Variants in FBXW10 observed in about 807,000 individuals in gnomAD.
The protein encoded by FBXW10 is F-box and WD repeat domain containing 10.
FBXW10 carries 68 observed loss-of-function variants against 113.1 expected under a neutral mutation model. The observed-to-expected ratio is 0.60, with a 90% CI of 0.49 to 0.74. FBXW10 has a LOEUF of 0.74. FBXW10 is among the 30% of genes least tolerant of loss of function. FBXW10 has a pLI of 0.00. For synonymous variants in FBXW10, 289 were observed against 481.6 expected (o/e 0.60, Z 5.24); for missense variants, 753 against 1,284.5 (o/e 0.59, Z 6.32).
chr17:18,755,474 G>A (rs1404370396), intron 5 of FBXW10, among the ~76,000 whole-genome samples: 2 of 151,872 alleles, frequency 1.3e-5, no homozygotes, highest in Admixed American at 1.3e-4. Context: ...AGAATCACTT[G>A]AACCCAGGAG....
At chr17:18,763,611 G>T (rs919129239) in intron 7 of FBXW10, among the ~76,000 whole-genome samples, 3 of 152,076 alleles carry the variant, frequency 2.0e-5, no homozygotes, top group African/African-American at 4.8e-5. Flanking sequence ...ATTCTGCTTT[G>T]TCCTGTCTCA....
At chr17:18,750,308 C>T (rs2035138690) in intron 4 of FBXW10, among the ~76,000 whole-genome samples, 171 bp downstream of exon 4, 1 of 152,112 alleles carries the variant, frequency 6.6e-6, no homozygotes, top group South Asian at 2.1e-4. Context: ...CTGTTAATAA[C>T]TGAGTACTCT....
At chr17:18,757,689 TCA>T (rs945289323) in intron 6 of FBXW10, among the ~76,000 whole-genome samples, 8 of 100,854 alleles carry the variant, frequency 7.9e-5, no homozygotes, top group Non-Finnish European at 1.6e-4. Flanking sequence ...TAAAAAACTC[TCA>T]GTTTGGACAA....
chr17:18,772,774 C>A, intron 12 of FBXW10, 91 bp downstream of exon 12: 3 of 1,157,108 alleles, frequency 2.6e-6, no homozygotes, highest in Non-Finnish European at 3.7e-6. Context: ...AGGACTGGTT[C>A]GTTTGTGGAA....
chr17:18,749,816 C>T lies in FBXW10; in HGVS notation c.765C>T (p.Cys255=), dbSNP rs780212893. 6.2e-7 allele frequency: 1 copy of T among 1,614,048 alleles called. No individual in the cohort carries two copies. Among genetic ancestry groups the T allele is most frequent in the African/African-American group, 1.3e-5 (1 of 74,930 alleles). The change falls in exon 3 of 14, where the codon TGC becomes TGT. Residue 255 remains cysteine (C), a synonymous_variant. Transcript: ENST00000395665. Reference sequence around the variant, plus strand: ...TAACCAAGCCAGGGTACGATCCCTGCAATCTATTGGTTGACCTGGATGACA... The same window carrying T: ...TAACCAAGCCAGGGTACGATCCCTGTAATCTATTGGTTGACCTGGATGACA... ...GDITKPGYDP[C]NLLVDLDDIR... is the part of the protein sequence containing the mutation.
intron 11 of FBXW10, 131 bp from the exon 12 acceptor site, chr17:18,772,281 C>T: frequency 1.2e-6 from 1 of 818,142 alleles, no homozygotes; most frequent in Non-Finnish European, 2.0e-6. Context: ...GCTGCCTACA[C>T]TACTAGTCTG....
chr17:18,761,132 T>C (rs112512764), intron 7 of FBXW10, among the ~76,000 whole-genome samples: 33 of 152,246 alleles, frequency 2.2e-4, no homozygotes, highest in African/African-American at 7.5e-4. Context: ...TGTCCCTGAG[T>C]TCTCTGATCT....
intron 13 of FBXW10, 47 bp downstream of exon 13, chr17:18,775,239 T>C: frequency 7.9e-7 from 1 of 1,265,694 alleles, no homozygotes; most frequent in African/African-American, 1.5e-5. Context: ...GTGGCACGGA[T>C]GGTGGGCAGG....
intron 7 of FBXW10, among the ~76,000 whole-genome samples, chr17:18,763,808 T>C (rs2151815339): frequency 6.6e-6 from 1 of 151,872 alleles, no homozygotes; most frequent in Non-Finnish European, 1.5e-5. Context: ...AGATCCACTG[T>C]ACCGTGGAAT....
intron 1 of FBXW10, among the ~76,000 whole-genome samples, chr17:18,745,721 C>T (rs1368659463): frequency 6.6e-6 from 1 of 152,118 alleles, no homozygotes; most frequent in Admixed American, 6.5e-5. Flanking sequence ...ACCAGGGATT[C>T]TGTATTTCTA....
intron 13 of FBXW10, among the ~76,000 whole-genome samples, chr17:18,777,405 G>T (rs191053027): frequency 4.1e-4 from 63 of 151,934 alleles, no homozygotes; most frequent in African/African-American, 1.5e-3. Context: ...AGATTACTTG[G>T]AGTCAAATTT....
rs531593970 is a variant in FBXW10, at chr17:18,764,374, G to A, written c.1434-368G>A. 8.6e-5 allele frequency among the ~76,000 whole-genome samples: 13 copies of A among 151,926 alleles called. No individual in the cohort carries two copies. The East Asian group carries it at 2.5e-3, about 29-fold the overall frequency. On this transcript the variant is annotated intron_variant, in intron 7 of 13. Transcript: ENST00000395665. ...ACACCACCACGCCCAGCTAACTTTT[G>A]TATTTTTAGTAGAGACAGGGTTTCA...
Position 18,755,244 on chromosome 17 carries a change from GAA to G in FBXW10, c.1123-800_1123-799del, listed in dbSNP as rs370546800. 1.8e-3 allele frequency among the ~76,000 whole-genome samples: 266 copies of G among 148,024 alleles called. 2 individuals carry two copies. The highest frequency in any genetic ancestry group is 6.6e-3 in the African/African-American group (263 of 39,944). The stretch of plus-strand genomic sequence containing the variant: ...TGACATTGCACTCCAGCCTGGGTGA[GAA>G]GAGTGAAACTCCGTCTTAAAAAAAT... On this transcript the variant is annotated intron_variant, in intron 5 of 13. Coordinates refer to ENST00000395665, the MANE Select transcript of FBXW10 (RefSeq NM_001267585.2).
At chr17:18,759,044 C>T (rs1032118971) in intron 7 of FBXW10, among the ~76,000 whole-genome samples, 29 of 152,022 alleles carry the variant, frequency 1.9e-4, no homozygotes, top group Non-Finnish European at 4.0e-4. Flanking sequence ...GTGGCGGGTG[C>T]CTGTAGTCCC....
Position 18,769,967 on chromosome 17 carries a change from A to G in FBXW10, c.1888A>G (p.Ser630Gly). The change falls in exon 11 of 14, where the codon AGC (serine) becomes GGC (glycine). Residue 630 changes from serine to glycine, a missense_variant. Ser to Gly is a moderately conservative substitution (Grantham distance 56). Coordinates refer to ENST00000395665, the MANE Select transcript of FBXW10 (RefSeq NM_001267585.2). ...GTCCCTTCTCTTCCTCCGGGTCATCAGCGCCTGTGCAGATGGCAAGATCCG... is the reference window on the plus strand; with the variant it reads ...GTCCCTTCTCTTCCTCCGGGTCATCGGCGCCTGTGCAGATGGCAAGATCCG... ...DVSLLFLRVI[S>G]ACADGKIRIY... 2 of 1,614,120 alleles carry G rather than the reference A, an allele frequency of 1.2e-6. No individual in the cohort carries two copies. The highest frequency in any genetic ancestry group is 8.5e-7 in the Non-Finnish European group (1 of 1,180,024).
chr17:18,745,788 C>T (rs1355963193), intron 1 of FBXW10, among the ~76,000 whole-genome samples: 2 of 152,204 alleles, frequency 1.3e-5, no homozygotes, highest in African/African-American at 4.8e-5. Context: ...TTGAGAATCA[C>T]AGGCCTAGGG....
At chr17:18,777,548 CTT>C (rs879356764) in intron 13 of FBXW10, among the ~76,000 whole-genome samples, 5 of 140,134 alleles carry the variant, frequency 3.6e-5, no homozygotes, top group Admixed American at 7.1e-5. Flanking sequence ...TTCACATTTT[CTT>C]TTTTTTTTTT....
At chr17:18,757,440 T>C (rs4924921) in intron 6 of FBXW10, among the ~76,000 whole-genome samples, 21,307 of 130,454 alleles carry the variant, frequency 0.16, no homozygotes, top group East Asian at 0.27. Context: ...TACATCCCTG[T>C]TTATTGGAAC....
intron 2 of FBXW10, among the ~76,000 whole-genome samples, chr17:18,749,405 G>T (rs2035109983): frequency 6.6e-6 from 1 of 151,908 alleles, no homozygotes; most frequent in African/African-American, 2.4e-5. Flanking sequence ...AAATTAGCCG[G>T]GCGTGGTGGC....
Sources: gnomAD v4.1 joint callset for allele counts (sites outside exome capture counted in the v4.1 genomes callset) on GRCh38, gnomAD v4.1.1 for gene constraint, MANE v1.5 for transcripts, NCBI Gene and HGNC (gene_info 2026-07-23, HGNC 2026-07-21) for gene names.